The following BCAS3 variants were observed in gnomAD, a reference collection of about 807,000 sequenced individuals.
The protein encoded by BCAS3 is BCAS3 microtubule associated cell migration factor.
BCAS3 carries 53 observed loss-of-function variants against 116.1 expected under a neutral mutation model. That is an observed-to-expected ratio of 0.46 (90% CI 0.37 to 0.57). The LOEUF is 0.57. Ranked by LOEUF, BCAS3 falls within the 20% of genes least tolerant of loss-of-function variation. The pLI, the probability that BCAS3 is intolerant of heterozygous loss-of-function variation, is 0.00. For synonymous variants in BCAS3, 391 were observed against 408.2 expected (o/e 0.96, Z 0.51); for missense variants, 917 against 1,165.4 (o/e 0.79, Z 3.10).
chr17:61,357,245 A>C (rs1400521351), intron 22 of BCAS3, among the ~76,000 whole-genome samples: 1 of 139,642 alleles, frequency 7.2e-6, no homozygotes, highest in Non-Finnish European at 1.5e-5. Context: ...ATATCTACAA[A>C]AAATAAATAA....
In BCAS3 at chr17:61,307,925, C is replaced by A. The variant is rs1161473335; in HGVS notation, c.2426-60402C>A. ...GTGAGCAACCCCAAACAGTATACAC[C>A]TTGACAATGTGGAGACTCAAGATTT... On this transcript the variant is annotated intron_variant, in intron 22 of 23. Coordinates refer to ENST00000407086, the MANE Select transcript of BCAS3 (RefSeq NM_017679.5). This position sits in a 1 kb window ranked among gnomAD's most constrained non-coding sequence, Gnocchi z 4.7. Among the ~76,000 whole-genome samples, 1 of 152,164 alleles carries A rather than the reference C, an allele frequency of 6.6e-6. No individual in the cohort carries two copies. Among genetic ancestry groups the A allele is most frequent in the African/African-American group, 2.4e-5 (1 of 41,396 alleles).
At chr17:61,304,758 T>A (rs2053710793) in intron 22 of BCAS3, among the ~76,000 whole-genome samples, 1 of 141,332 alleles carries the variant, frequency 7.1e-6, no homozygotes. Flanking sequence ...TTCCCAATCC[T>A]TTTTTTTTTT....
chr17:60,719,526 A>T (rs182873471), intron 5 of BCAS3, among the ~76,000 whole-genome samples: 1 of 152,348 alleles, frequency 6.6e-6, no homozygotes, highest in Admixed American at 6.5e-5. Flanking sequence ...CACAAATAAC[A>T]TTTCTGTGAT....
intron 22 of BCAS3, among the ~76,000 whole-genome samples, chr17:61,238,275 C>G (rs1421858216): frequency 6.9e-6 from 1 of 145,906 alleles, no homozygotes; most frequent in Non-Finnish European, 1.5e-5. Context: ...CAGGCTGGAG[C>G]GCAGTGGCAT....
intron 6 of BCAS3, among the ~76,000 whole-genome samples, chr17:60,772,973 A>G (rs2044880425): frequency 6.6e-6 from 1 of 152,216 alleles, no homozygotes; most frequent in Non-Finnish European, 1.5e-5. Context: ...ATTTGGGTAA[A>G]TATCAAGGAG....
intron 14 of BCAS3, among the ~76,000 whole-genome samples, chr17:60,982,835 CT>C (rs1189316417): frequency 3.9e-5 from 6 of 152,146 alleles, no homozygotes; most frequent in Non-Finnish European, 8.8e-5. Context: ...AATTTATTAT[CT>C]GGTCCTTTAC....
At chr17:61,038,587 G>C (rs369191478) in intron 18 of BCAS3, among the ~76,000 whole-genome samples, 1 of 150,588 alleles carries the variant, frequency 6.6e-6, no homozygotes, top group Non-Finnish European at 1.5e-5. Context: ...GAATCATATA[G>C]TATGTAATTT....
At chr17:60,851,842 G>C in intron 7 of BCAS3, 1 of 1,393,116 alleles carries the variant, frequency 7.2e-7, no homozygotes, top group Non-Finnish European at 9.8e-7. Flanking sequence ...AAGTTTTTTA[G>C]TAGCTCTAGA....
At chr17:61,266,076 G>C (rs748716210) in intron 22 of BCAS3, among the ~76,000 whole-genome samples, 13 of 152,292 alleles carry the variant, frequency 8.5e-5, no homozygotes, top group Non-Finnish European at 1.6e-4. Flanking sequence ...CAAGGGGGAA[G>C]CCTGTCCTCA....
chr17:61,049,793 C>A (rs1183398918), intron 19 of BCAS3, among the ~76,000 whole-genome samples: 1 of 142,426 alleles, frequency 7.0e-6, no homozygotes, highest in Non-Finnish European at 1.5e-5. Context: ...AGTGCAATGG[C>A]GTGATCTCAG....
intron 10 of BCAS3, among the ~76,000 whole-genome samples, chr17:60,901,570 T>TA (rs2057896826): frequency 6.6e-6 from 1 of 152,280 alleles, no homozygotes; most frequent in East Asian, 1.9e-4. Context: ...AGAGATTGCT[T>TA]AAAAAAATCT....
chr17:61,194,613 A>C (rs905566251), intron 22 of BCAS3, among the ~76,000 whole-genome samples: 1 of 152,014 alleles, frequency 6.6e-6, no homozygotes, highest in African/African-American at 2.4e-5. Flanking sequence ...GGTGGTGGGC[A>C]ACTGTAATCC....
At chr17:60,842,711 CTAACGT>C (rs1225589470) in intron 7 of BCAS3, among the ~76,000 whole-genome samples, 1 of 152,108 alleles carries the variant, frequency 6.6e-6, no homozygotes, top group Admixed American at 6.6e-5. Flanking sequence ...TTTCTCTACT[CTAACGT>C]TAAGTTTCTA....
chr17:60,906,362 G>A (rs2058187181), intron 11 of BCAS3, among the ~76,000 whole-genome samples: 1 of 152,178 alleles, frequency 6.6e-6, no homozygotes, highest in South Asian at 2.1e-4. Context: ...GATTATTTGA[G>A]TGAAGTTCAC....
chr17:61,327,296 G>A lies in BCAS3; in HGVS notation c.2426-41031G>A, dbSNP rs1020605389. On this transcript the variant is annotated intron_variant, in intron 22 of 23. Coordinates refer to ENST00000407086, the MANE Select transcript of BCAS3 (RefSeq NM_017679.5). This position sits in a 1 kb window ranked among gnomAD's most constrained non-coding sequence, Gnocchi z 5.9. ...CAGCCTGGCAACAGAGTGAAACTCC[G>A]TCTCAAAAATAAAATAAAATAAAAA... Among the ~76,000 whole-genome samples, 8 of 151,848 alleles carry A rather than the reference G, an allele frequency of 5.3e-5. No individual in the cohort carries two copies. The highest frequency in any genetic ancestry group is 1.3e-4 in the Admixed American group (2 of 15,220).
chr17:60,881,325 T>G (rs112658856), intron 9 of BCAS3, among the ~76,000 whole-genome samples: 28,672 of 152,160 alleles, frequency 0.19, 3,289 homozygotes, highest in African/African-American at 0.32. Flanking sequence ...AAATTTGCAT[T>G]TGTTTTGATG....
At chr17:61,046,778 A>G (rs1188216008) in intron 19 of BCAS3, among the ~76,000 whole-genome samples, 1 of 152,012 alleles carries the variant, frequency 6.6e-6, no homozygotes, top group African/African-American at 2.4e-5. Context: ...AAATGTTGCA[A>G]GCATTTTTTT....
At chr17:61,335,893 C>T (rs1009682755) in intron 22 of BCAS3, among the ~76,000 whole-genome samples, 1 of 152,252 alleles carries the variant, frequency 6.6e-6, no homozygotes, top group East Asian at 1.9e-4. Flanking sequence ...AGAGTGGGCA[C>T]CTGAGAGGGT....
At chr17:60,838,250 G>C (rs1349130855) in intron 7 of BCAS3, among the ~76,000 whole-genome samples, 3 of 152,020 alleles carry the variant, frequency 2.0e-5, no homozygotes, top group Admixed American at 6.6e-5. Context: ...AAATATTTAA[G>C]GTAAAAATTA....
Sources: allele counts gnomAD v4.1 joint callset (sites outside exome capture counted in the v4.1 genomes callset), GRCh38; gene constraint gnomAD v4.1.1; non-coding constraint Gnocchi (gnomAD v3.1); transcripts MANE v1.5; gene names NCBI Gene and HGNC (gene_info 2026-07-23, HGNC 2026-07-21).